The following WTAP variants were observed in gnomAD, a reference collection of about 807,000 sequenced individuals.
The protein encoded by WTAP is pre-mRNA-splicing regulator WTAP.
A neutral mutation model predicts 50.0 loss-of-function variants in WTAP; 8 were observed. That is an observed-to-expected ratio of 0.16 (90% CI 0.09 to 0.29). The LOEUF (loss-of-function observed/expected upper bound fraction) is 0.29. Among genes scored for constraint, WTAP ranks in the 10% least tolerant of loss-of-function variants. The pLI, the probability that WTAP is intolerant of heterozygous loss-of-function variation, is 1.00. For synonymous variants in WTAP, 194 were observed against 169.0 expected (o/e 1.15, Z -1.15); for missense variants, 295 against 470.7 (o/e 0.63, Z 3.45).
At position 159,738,535 on chromosome 6, in the gene WTAP, TGCTTGCATG is replaced by T. The variant is rs1779056950; in HGVS notation, c.31-454_31-446del. 2.6e-5 allele frequency among the ~76,000 whole-genome samples: 4 copies of T among 152,358 alleles called. No homozygotes were observed. The South Asian group carries it at 8.3e-4, about 32-fold the overall frequency. On this transcript the variant is annotated intron_variant, in intron 2 of 7. Coordinates refer to ENST00000621533, the MANE Select transcript of WTAP (RefSeq NM_001270531.2). ...GTTTTTTAGCTTTTACAAGTAAAGC[TGCTTGCATG>T]TTTTCATTTCTTTGAGATACATGTT...
intron 3 of WTAP, among the ~76,000 whole-genome samples, chr6:159,740,122 G>C (rs1453265083): frequency 6.6e-6 from 1 of 151,738 alleles, no homozygotes; most frequent in Non-Finnish European, 1.5e-5. Context: ...TGGGATTACA[G>C]GCATGGGCCA....
chr6:159,732,784 A>G (rs926085963), intron 1 of WTAP, among the ~76,000 whole-genome samples: 1 of 151,760 alleles, frequency 6.6e-6, no homozygotes, highest in Non-Finnish European at 1.5e-5. Flanking sequence ...AGATCGCGCC[A>G]TTGCACTCCA....
rs771401662 is a variant in WTAP at position 159,755,271 on chromosome 6, G to T, written c.851G>T (p.Arg284Leu). The change falls in exon 8 of 8, where the codon CGC becomes CTC. Residue 284 changes from arginine (R) to leucine (L), a missense_variant. By Grantham distance (102) the Arg-to-Leu change is moderately radical (BLOSUM62 -2). Around this residue, in one of 2 missense-constraint regions of WTAP, gnomAD observed 175 missense variants for 183.1 expected, o/e 0.96. Transcript: ENST00000621533. ...TNGPSNGSSSRQRTSGSGFHR... is the reference protein window; with the variant it reads ...TNGPSNGSSSLQRTSGSGFHR... ...GGACCAAGTAATGGTAGCTCCTCCC[G>T]CCAGAGGACGTCTGGGTCTGGATTT... 2 of 1,614,170 alleles carry T rather than the reference G, an allele frequency of 1.2e-6. No individual in the cohort carries two copies. The highest frequency in any genetic ancestry group is 1.7e-6 in the Non-Finnish European group (2 of 1,180,022).
At chr6:159,727,412 G>A, upstream of WTAP, 3 of 765,792 alleles carry the variant, frequency 3.9e-6, no homozygotes, top group Admixed American at 5.5e-5. Flanking sequence ...AGGCAGTGGC[G>A]CTGGCCTGCG....
chr6:159,743,877 A>G (rs1779406543), intron 5 of WTAP, 85 bp downstream of exon 5: 1 of 1,370,634 alleles, frequency 7.3e-7, no homozygotes, highest in South Asian at 1.8e-5. Flanking sequence ...TAAACATTTA[A>G]TGCTAAATAT....
Position 159,753,502 on chromosome 6 carries a change from C to A in WTAP, c.495C>A (p.Ile165=), listed in dbSNP as rs1353716699. 2 of 1,614,152 alleles carry A rather than the reference C, an allele frequency of 1.2e-6. No homozygotes were observed. Among genetic ancestry groups the A allele is most frequent in the Non-Finnish European group, 1.7e-6 (2 of 1,180,012 alleles). ...KKLMAKCRML[I]QENQELGRQL... is the part of the protein sequence containing the mutation. The stretch of plus-strand genomic sequence containing the variant: ...TAATGGCGAAGTGTCGAATGCTTAT[C>A]CAGGAGAATCAAGAGCTTGGAAGGC... The change falls in exon 7 of 8, where the codon ATC becomes ATA. Residue 165 remains isoleucine, a synonymous_variant. Coordinates refer to ENST00000621533, the MANE Select transcript of WTAP (RefSeq NM_001270531.2).
chr6:159,753,747 T>A, intron 7 of WTAP, 133 bp downstream of exon 7: 2 of 1,153,228 alleles, frequency 1.7e-6, no homozygotes, highest in Non-Finnish European at 2.3e-6. Context: ...TTATTGTGAG[T>A]GAAGCATTTT....
chr6:159,732,378 T>C (rs1372087552), intron 1 of WTAP, among the ~76,000 whole-genome samples: 1 of 152,192 alleles, frequency 6.6e-6, no homozygotes, highest in Non-Finnish European at 1.5e-5. Flanking sequence ...TATAGCTGTT[T>C]TCAAACTGTC....
chr6:159,755,747 TTG>T lies in WTAP; in HGVS notation c.*138_*139del. 8.7e-7 allele frequency: 1 copy of T among 1,146,268 alleles called. No individual in the cohort carries two copies. Among genetic ancestry groups the T allele is most frequent in the Non-Finnish European group, 1.1e-6 (1 of 907,804 alleles). 71.0% of individuals were successfully genotyped at this position (1,146,268 alleles called of 1,614,324 possible). A position where few individuals can be genotyped will look rare whatever the true frequency, so the allele number is the denominator to read the frequency against. On this transcript the variant is annotated 3_prime_UTR_variant, in exon 8 of 8. Coordinates refer to ENST00000621533, the MANE Select transcript of WTAP (RefSeq NM_001270531.2). ...GGTTTTTTTTTGTTGTTTTTTTTCT[TTG>T]TTTTTTTTTTCTTTTCTTTTTTTTT... is the stretch of plus-strand genomic sequence containing the variant.
chr6:159,739,986 T>A (rs1408094742), intron 3 of WTAP, among the ~76,000 whole-genome samples: 1 of 152,064 alleles, frequency 6.6e-6, no homozygotes, highest in African/African-American at 2.4e-5. Context: ...ACACTACTAC[T>A]CAATGCTGGG....
chr6:159,753,701 T>G, intron 7 of WTAP, 87 bp downstream of exon 7: 4 of 1,466,764 alleles, frequency 2.7e-6, no homozygotes, highest in Non-Finnish European at 3.7e-6. Context: ...TAGGTTAGAT[T>G]CTGTACATTG....
Position 159,755,845 on chromosome 6 carries a change from G to A in WTAP, c.*234G>A, listed in dbSNP as rs1202809292. On this transcript the variant is annotated 3_prime_UTR_variant, in exon 8 of 8. Transcript: ENST00000621533. Reference sequence around the variant, plus strand: ...GTAACAGTTAATTACTTTGAATGTTGCTAAAAGGACATTTTGTGTAGGGTC... The same window carrying A: ...GTAACAGTTAATTACTTTGAATGTTACTAAAAGGACATTTTGTGTAGGGTC... 2 of 603,072 alleles carry A rather than the reference G, an allele frequency of 3.3e-6. No individual in the cohort carries two copies. The highest frequency in any genetic ancestry group is 4.5e-6 in the Non-Finnish European group (2 of 445,326). The allele number at this position is 603,072 out of a possible 1,614,324, so 37.4% of individuals were successfully genotyped here. A position where few individuals can be genotyped will look rare whatever the true frequency, so the allele number is the denominator to read the frequency against.
At chr6:159,740,681 A>C (rs1779197778) in intron 3 of WTAP, among the ~76,000 whole-genome samples, 1 of 151,212 alleles carries the variant, frequency 6.6e-6, no homozygotes, top group South Asian at 2.1e-4. Context: ...TGGTATTAGG[A>C]AGGTTTTTTT....
chr6:159,755,018 C>T lies in WTAP; in HGVS notation c.608-10C>T. 19 of 1,599,986 alleles carry T rather than the reference C, an allele frequency of 1.2e-5. No individual in the cohort carries two copies. The highest frequency in any genetic ancestry group is 1.5e-5 in the Non-Finnish European group (18 of 1,172,244). ...CGATATTAAAGTTGGTCTGACTCTC[C>T]TTTGCACAGAACTGAATGACTTCAT... On this transcript the variant is annotated splice_polypyrimidine_tract_variant and intron_variant, in intron 7 of 7. Transcript: ENST00000621533.
In WTAP at chr6:159,753,453, T is replaced by C; in HGVS notation, c.453-7T>C. ...CATTTTGTGATGGATGGCTCTTTCC[T>C]TTGCAGCCAAACAGGGAAAAAGTTA... is the stretch of plus-strand genomic sequence containing the variant. On this transcript the variant is annotated splice_region_variant and splice_polypyrimidine_tract_variant and intron_variant, in intron 6 of 7. Coordinates refer to ENST00000621533, the MANE Select transcript of WTAP (RefSeq NM_001270531.2). 1 of 1,614,158 alleles carries C rather than the reference T, an allele frequency of 6.2e-7. No individual in the cohort carries two copies. Among genetic ancestry groups the C allele is most frequent in the Non-Finnish European group, 8.5e-7 (1 of 1,180,020 alleles).
Position 159,755,098 on chromosome 6 carries a change from G to A in WTAP, c.678G>A (p.Gln226=), listed in dbSNP as rs369846196. 3.1e-6 allele frequency: 5 copies of A among 1,614,070 alleles called. No homozygotes were observed. The African/African-American group carries it at 6.7e-5, about 22-fold the overall frequency. The part of the protein sequence containing the change: ...EGMQSTILVL[Q]QQLKETRQQL... ...TGCAGAGTACCATTCTAGTTCTGCA[G>A]CAGCAGCTGAAGGAGACACGCCAGC... Residue 226 remains glutamine (Q), a synonymous_variant, in exon 8 of 8, where the codon CAG becomes CAA. Transcript: ENST00000621533.
At chr6:159,737,349 C>T (rs537262159) in intron 2 of WTAP, among the ~76,000 whole-genome samples, 5 of 152,038 alleles carry the variant, frequency 3.3e-5, no homozygotes, top group Non-Finnish European at 7.4e-5. Flanking sequence ...CCTCTGGCAG[C>T]CTTTCAATAT....
At position 159,727,622 on chromosome 6, in the gene WTAP, C is replaced by T. The variant is rs1381635593; in HGVS notation, c.-90C>T. The T allele has an allele frequency of 3.0e-6, 3 of 985,988 alleles. No individual in the cohort carries two copies. The allele number at this position is 985,988 out of a possible 1,614,324, so 61.1% of individuals were successfully genotyped here. On this transcript the variant is annotated 5_prime_UTR_variant, in exon 1 of 8. Coordinates refer to ENST00000621533, the MANE Select transcript of WTAP (RefSeq NM_001270531.2). ...CAGAGCTGTCCGGCTGCGCGGTGGC[C>T]CGGGGGGCCCGGGCGGCAGGGCAAG...
At chr6:159,727,766 G>A (rs1410244345) in intron 1 of WTAP, 63 bp downstream of exon 1, 2 of 970,922 alleles carry the variant, frequency 2.1e-6, no homozygotes, top group African/African-American at 1.8e-5. Flanking sequence ...GGGCTGATGC[G>A]CAGCCGCCCC....
Sources: gnomAD v4.1 joint callset for allele counts (sites outside exome capture counted in the v4.1 genomes callset) on GRCh38, gnomAD v4.1.1 for gene constraint, gnomAD v4.1.1 regional missense constraint, MANE v1.5 for transcripts, NCBI Gene and HGNC (gene_info 2026-07-23, HGNC 2026-07-21) for gene names.